OTUD7A: variants seen among roughly 807,000 people sequenced by gnomAD.
OTUD7A encodes OTU domain-containing protein 7A.
A neutral mutation model predicts 65.7 loss-of-function variants in OTUD7A; 12 were observed. The ratio of observed to expected loss-of-function variants is 0.18; its 90% CI spans 0.12 to 0.30. OTUD7A has a LOEUF of 0.30. Among genes scored for constraint, OTUD7A ranks in the 10% least tolerant of loss-of-function variants. The pLI, the probability that OTUD7A is intolerant of heterozygous loss-of-function variation, is 1.00. For missense variants in OTUD7A, 1,148 were observed against 1,304.8 expected (o/e 0.88, Z 1.85); for synonymous variants, 641 against 586.3 (o/e 1.09, Z -1.35).
intron 1 of OTUD7A, among the ~76,000 whole-genome samples, chr15:31,755,390 T>C (rs868468134): frequency 1.3e-5 from 2 of 152,094 alleles, no homozygotes; most frequent in South Asian, 2.1e-4. Context: ...GGAAGCATCA[T>C]GTAAGGAAAA....
In OTUD7A at chr15:31,488,798, A is replaced by G. The variant is rs558780563; in HGVS notation, c.1172-1232T>C. ...TGCTTAAGAGGAAAAGTGGGTGCAA[A>G]TAATTCCCCTCTCCACCCCCGCACC... On this transcript the variant is annotated intron_variant, in intron 10 of 12. Coordinates refer to ENST00000307050, the MANE Select transcript of OTUD7A (RefSeq NM_001382637.1). 2.9e-3 allele frequency among the ~76,000 whole-genome samples: 436 copies of G among 152,338 alleles called. 4 individuals are homozygous for G. Among genetic ancestry groups the G allele is most frequent in the African/African-American group, 0.01 (418 of 41,588 alleles).
intron 1 of OTUD7A, among the ~76,000 whole-genome samples, chr15:31,680,255 A>T (rs1892681705): frequency 6.6e-6 from 1 of 152,162 alleles, no homozygotes; most frequent in Non-Finnish European, 1.5e-5. Flanking sequence ...TATAGAATAC[A>T]CATTTTAATA....
chr15:31,670,433 C>T (rs1486954131), intron 1 of OTUD7A, among the ~76,000 whole-genome samples: 1 of 152,166 alleles, frequency 6.6e-6, no homozygotes, highest in African/African-American at 2.4e-5. Flanking sequence ...CACAGCGTCA[C>T]CAGCATCTGT....
At chr15:31,674,735 G>A (rs1892558873) in intron 1 of OTUD7A, among the ~76,000 whole-genome samples, 1 of 152,214 alleles carries the variant, frequency 6.6e-6, no homozygotes, top group South Asian at 2.1e-4. Context: ...TTGCTTACCT[G>A]ATAGAAAGAG....
intron 1 of OTUD7A, among the ~76,000 whole-genome samples, chr15:31,780,355 G>A (rs1294769883): frequency 6.6e-6 from 1 of 152,188 alleles, no homozygotes; most frequent in African/African-American, 2.4e-5. Context: ...TGGAAATTAA[G>A]AGGAGAAAAT....
chr15:31,605,645 G>A (rs1160199675), intron 3 of OTUD7A, among the ~76,000 whole-genome samples: 8 of 152,186 alleles, frequency 5.3e-5, no homozygotes, highest in Non-Finnish European at 7.3e-5. Flanking sequence ...GGAACAAATC[G>A]ATTAAAGCAG....
intron 1 of OTUD7A, among the ~76,000 whole-genome samples, chr15:31,812,718 C>T (rs1038525401): frequency 1.2e-4 from 19 of 152,154 alleles, no homozygotes; most frequent in African/African-American, 3.9e-4. Context: ...TCCCTGCAGT[C>T]TCAAATAGTG....
intron 10 of OTUD7A, among the ~76,000 whole-genome samples, chr15:31,500,756 CT>C (rs1444077382): frequency 6.6e-6 from 1 of 152,262 alleles, no homozygotes; most frequent in Non-Finnish European, 1.5e-5. Context: ...TTCCTTCCCC[CT>C]GTTGGCCCTG....
At chr15:31,632,210 C>T (rs1891187826) in intron 3 of OTUD7A, among the ~76,000 whole-genome samples, 1 of 152,272 alleles carries the variant, frequency 6.6e-6, no homozygotes, top group Non-Finnish European at 1.5e-5. Flanking sequence ...TTTTCCCCAT[C>T]TTTGTGGCTT....
intron 9 of OTUD7A, among the ~76,000 whole-genome samples, chr15:31,502,523 G>A (rs928087553): frequency 6.6e-6 from 1 of 152,180 alleles, no homozygotes; most frequent in Non-Finnish European, 1.5e-5. Context: ...ATTCAGGGAC[G>A]GTAATTTCAG....
At chr15:31,602,039 G>C (rs986052469) in intron 3 of OTUD7A, among the ~76,000 whole-genome samples, 1 of 152,132 alleles carries the variant, frequency 6.6e-6, no homozygotes, top group African/African-American at 2.4e-5. Context: ...AGAGGAGCTG[G>C]TACCATTCCT....
intron 8 of OTUD7A, among the ~76,000 whole-genome samples, chr15:31,521,273 A>G (rs1007686636): frequency 7.2e-5 from 11 of 152,218 alleles, no homozygotes; most frequent in Admixed American, 4.6e-4. Flanking sequence ...ATATTTAAAT[A>G]AATAATAAAA....
At chr15:31,679,367 T>C (rs1305587936) in intron 1 of OTUD7A, among the ~76,000 whole-genome samples, 1 of 152,206 alleles carries the variant, frequency 6.6e-6, no homozygotes, top group Non-Finnish European at 1.5e-5. Context: ...TGTGAGAACA[T>C]GAGATTTGAT....
intron 3 of OTUD7A, among the ~76,000 whole-genome samples, chr15:31,572,881 T>C (rs2141174883): frequency 6.6e-6 from 1 of 151,766 alleles, no homozygotes; most frequent in East Asian, 1.9e-4. Context: ...AAATGTTAGA[T>C]ACCGAGTATA....
At chr15:31,611,794 T>C (rs1890431112) in intron 3 of OTUD7A, among the ~76,000 whole-genome samples, 1 of 152,168 alleles carries the variant, frequency 6.6e-6, no homozygotes, top group African/African-American at 2.4e-5. Context: ...CCCTGATGCA[T>C]TCTATGAAGC....
At position 31,481,606 on chromosome 15, in the gene OTUD7A, C is replaced by T. The variant is rs963158966; in HGVS notation, c.*1688G>A. ...AATAAATAATTTTTGATTTAAGGAA[C>T]CACTTATGCAAAACTTGAACAAATT... On this transcript the variant is annotated 3_prime_UTR_variant, in exon 13 of 13. Transcript: ENST00000307050. 1 of 152,138 alleles carries T rather than the reference C, an allele frequency of 6.6e-6. No homozygotes were observed. Among genetic ancestry groups the T allele is most frequent in the African/African-American group, 2.4e-5 (1 of 41,398 alleles). The allele number at this position is 152,138 out of a possible 1,614,324, so 9.4% of individuals were successfully genotyped here.
chr15:31,840,196 G>C (rs931706878), intron 1 of OTUD7A, among the ~76,000 whole-genome samples: 2 of 152,092 alleles, frequency 1.3e-5, no homozygotes, highest in African/African-American at 4.8e-5. Flanking sequence ...AAGGTGAGTG[G>C]ATCACCTGAG....
chr15:31,737,143 C>A (rs1385513294), intron 1 of OTUD7A, among the ~76,000 whole-genome samples: 1 of 152,048 alleles, frequency 6.6e-6, no homozygotes, highest in African/African-American at 2.4e-5. Context: ...AGGTAGAAAT[C>A]ATAAATAAAA....
At chr15:31,815,527 T>C (rs920221933) in intron 1 of OTUD7A, among the ~76,000 whole-genome samples, 4 of 152,266 alleles carry the variant, frequency 2.6e-5, no homozygotes, top group Non-Finnish European at 2.9e-5. Context: ...TCTGAGTTCA[T>C]TGAACATCCA....
Sources: gnomAD v4.1 joint callset for allele counts (sites outside exome capture counted in the v4.1 genomes callset) on GRCh38, gnomAD v4.1.1 for gene constraint, MANE v1.5 for transcripts, NCBI Gene and HGNC (gene_info 2026-07-23, HGNC 2026-07-21) for gene names.